Variants in TPRG1 observed in about 807,000 individuals in gnomAD.
TPRG1 encodes the protein tumor protein p63 regulated 1, also known as tumor protein p63-regulated gene 1 protein.
TPRG1 carries 29 observed loss-of-function variants against 29.3 expected under a neutral mutation model. The observed-to-expected ratio is 0.99, with a 90% CI of 0.74 to 1.35. The LOEUF is 1.35. TPRG1 is among the 40% of genes most tolerant of loss of function. TPRG1 has a pLI of 0.00. For synonymous variants in TPRG1, 130 were observed against 116.8 expected (o/e 1.11, Z -0.73); for missense variants, 327 against 335.0 (o/e 0.98, Z 0.19).
intron 4 of TPRG1, among the ~76,000 whole-genome samples, chr3:189,275,810 CA>C (rs1270524396): frequency 6.6e-6 from 1 of 152,094 alleles, no homozygotes; most frequent in African/African-American, 2.4e-5. Context: ...ATTTCACACA[CA>C]CAAACACACA....
rs552172344 is a variant in TPRG1 at position 189,271,631 on chromosome 3, C to T, written c.479+32722C>T. 3.3e-5 allele frequency among the ~76,000 whole-genome samples: 5 copies of T among 152,316 alleles called. No individual in the cohort carries two copies. In the East Asian group the frequency reaches 9.6e-4, roughly 29 times the overall value. On this transcript the variant is annotated intron_variant, in intron 4 of 5. Transcript: ENST00000345063. Reference sequence around the variant, plus strand: ...TAGAATTTACACAAGAACTTCTTCTCAAGTCTTGAATATTTGCATCAGAGG... The same window carrying T: ...TAGAATTTACACAAGAACTTCTTCTTAAGTCTTGAATATTTGCATCAGAGG...
chr3:189,160,956 T>G (rs1212784492), intron 5 of TPRG1, among the ~76,000 whole-genome samples: 1 of 152,204 alleles, frequency 6.6e-6, no homozygotes, highest in Non-Finnish European at 1.5e-5. Context: ...GAGGCAAAAT[T>G]GAAAAGGTGC....
At chr3:189,220,867 A>G (rs1025159126) in intron 3 of TPRG1, among the ~76,000 whole-genome samples, 2 of 152,142 alleles carry the variant, frequency 1.3e-5, no homozygotes, top group Admixed American at 6.5e-5. Flanking sequence ...GGTTGATTCT[A>G]TCTCTTTGCT....
At chr3:189,028,266 A>G (rs190708622) in intron 4 of TPRG1, among the ~76,000 whole-genome samples, 8 of 152,266 alleles carry the variant, frequency 5.3e-5, no homozygotes, top group Admixed American at 2.0e-4. Flanking sequence ...CCAGTGCCCT[A>G]TTTGCCACCC....
At chr3:189,059,987 C>G (rs1028602643) in intron 4 of TPRG1, among the ~76,000 whole-genome samples, 3 of 152,210 alleles carry the variant, frequency 2.0e-5, no homozygotes, top group Non-Finnish European at 4.4e-5. Flanking sequence ...AAGCCCAGCA[C>G]TTTGGGAGAC....
intron 4 of TPRG1, among the ~76,000 whole-genome samples, chr3:189,036,265 G>T (rs1364154349): frequency 6.6e-6 from 1 of 152,030 alleles, no homozygotes; most frequent in African/African-American, 2.4e-5. Context: ...CACTAGAGAG[G>T]GGAGGGTAGA....
rs34297763 is a variant in TPRG1 at position 189,008,064 on chromosome 3, GAA to G, written c.-660+3316_-660+3317del. Among the ~76,000 whole-genome samples, 1,147 of 92,690 alleles carry G rather than the reference GAA, an allele frequency of 0.012. 33 individuals are homozygous for G. The East Asian group carries it at 0.14, about 11-fold the overall frequency. 60.8% of individuals were successfully genotyped at this position (92,690 alleles called of 152,430 possible). A position where few individuals can be genotyped will look rare whatever the true frequency, so the allele number is the denominator to read the frequency against. ...AAGTATAATAAAAAAAGAAAAGAAAGAAAAAAAAAAAAACGTTCTAGAAAAAA... is the reference window on the plus strand; with the variant it reads ...AAGTATAATAAAAAAAGAAAAGAAAGAAAAAAAAAAACGTTCTAGAAAAAA... On this transcript the variant is annotated intron_variant, in intron 3 of 10. Transcript: ENST00000433971.
rs117646511 is a variant in TPRG1, at chr3:189,285,451, C to T, written c.480-24935C>T. Among the ~76,000 whole-genome samples the T allele has an allele frequency of 7.9e-3, 1,209 of 152,216 alleles. 28 individuals carry two copies. The highest frequency in any genetic ancestry group is 0.071 in the East Asian group (367 of 5,178). Reference sequence around the variant, plus strand: ...TTTTCTGACTTGTTCCATAGAATCACACACATAAAACAAAGTGTTCAGTGC... The same window carrying T: ...TTTTCTGACTTGTTCCATAGAATCATACACATAAAACAAAGTGTTCAGTGC... On this transcript the variant is annotated intron_variant, in intron 4 of 5. Transcript: ENST00000345063.
chr3:189,022,798 G>C (rs570552066), intron 3 of TPRG1, among the ~76,000 whole-genome samples: 40 of 152,130 alleles, frequency 2.6e-4, no homozygotes, highest in Non-Finnish European at 5.0e-4. Flanking sequence ...TAATCAAGCC[G>C]GGGCAATGGC....
intron 1 of TPRG1, among the ~76,000 whole-genome samples, chr3:189,178,627 A>C (rs1312386255): frequency 6.6e-6 from 1 of 152,166 alleles, no homozygotes; most frequent in African/African-American, 2.4e-5. Flanking sequence ...TTCTGGTAAG[A>C]GTTATCATTT....
intron 4 of TPRG1, among the ~76,000 whole-genome samples, chr3:189,057,846 G>GTA (rs1274903224): frequency 1.8e-5 from 2 of 108,348 alleles, no homozygotes; most frequent in African/African-American, 6.0e-5. Context: ...ATGTATGTGT[G>GTA]TATATATATA....
rs1189197697 is a variant in TPRG1 at position 189,215,614 on chromosome 3, G to A, written c.302+231G>A. The stretch of plus-strand genomic sequence containing the variant: ...GGTCCCCTCACTCAACCATCACTAC[G>A]TCTACCTTAGGTCAGGCCTGTATCT... On this transcript the variant is annotated intron_variant, in intron 3 of 5. Transcript: ENST00000345063. 8.5e-5 allele frequency among the ~76,000 whole-genome samples: 13 copies of A among 152,094 alleles called. No individual in the cohort carries two copies. The East Asian group carries it at 1.4e-3, about 16-fold the overall frequency.
chr3:189,111,449 C>A (rs564505664), intron 1 of TPRG1, among the ~76,000 whole-genome samples: 1 of 152,078 alleles, frequency 6.6e-6, no homozygotes, highest in South Asian at 2.1e-4. Context: ...TTGGGTTTAT[C>A]AGGATTTAGC....
At position 189,314,000 on chromosome 3, in the gene TPRG1, G is replaced by A. The variant is rs73064119; in HGVS notation, c.633+3461G>A. On this transcript the variant is annotated intron_variant, in intron 5 of 5. Transcript: ENST00000345063. ...TAAACTAAGTTCGGAGCAGTAGGAA[G>A]GGAAAGAAGATGAGGAGATTTTGAG... Among the ~76,000 whole-genome samples, 1,279 of 152,238 alleles carry A rather than the reference G, an allele frequency of 8.4e-3. 32 individuals are homozygous for A. The highest frequency in any genetic ancestry group is 0.03 in the African/African-American group (1,229 of 41,530).
upstream of TPRG1, among the ~76,000 whole-genome samples, chr3:189,099,797 C>A (rs901706233): frequency 1.3e-5 from 2 of 152,164 alleles, no homozygotes; most frequent in Non-Finnish European, 2.9e-5. Flanking sequence ...CTGTCCCTTT[C>A]CATCCTGCTG....
chr3:189,252,408 G>A (rs1742428479), intron 4 of TPRG1, among the ~76,000 whole-genome samples: 1 of 152,098 alleles, frequency 6.6e-6, no homozygotes, highest in African/African-American at 2.4e-5. Flanking sequence ...ATTCTCCAGG[G>A]TAACTAGTAG....
intron 1 of TPRG1, among the ~76,000 whole-genome samples, chr3:189,102,944 T>A (rs1719373152): frequency 6.6e-6 from 1 of 152,198 alleles, no homozygotes; most frequent in Non-Finnish European, 1.5e-5. Context: ...TTGCTCTGGC[T>A]AACTTCCTCT....
chr3:189,102,238 T>C (rs1719291716), intron 1 of TPRG1, among the ~76,000 whole-genome samples: 2 of 152,158 alleles, frequency 1.3e-5, no homozygotes, highest in African/African-American at 4.8e-5. Context: ...ATCTGTGAAA[T>C]GAGAGTAATG....
intron 4 of TPRG1, among the ~76,000 whole-genome samples, chr3:189,253,488 A>C (rs1000145368): frequency 1.3e-5 from 2 of 151,980 alleles, no homozygotes; most frequent in African/African-American, 4.8e-5. Flanking sequence ...ATTTTCTTTA[A>C]CCAGTCTGTC....
Sources: allele counts gnomAD v4.1 joint callset (sites outside exome capture counted in the v4.1 genomes callset), GRCh38; gene constraint gnomAD v4.1.1; transcripts MANE v1.5; gene names NCBI Gene and HGNC (gene_info 2026-07-23, HGNC 2026-07-21).